YIPF2: variants seen among roughly 807,000 people sequenced by gnomAD.
YIPF2 encodes the protein protein YIPF2.
Under a neutral mutation model 38.8 loss-of-function variants are expected in YIPF2, and 30 were observed. The observed-to-expected ratio is 0.77, with a 90% CI of 0.58 to 1.05. YIPF2 has a LOEUF of 1.05. Ranked by LOEUF, YIPF2 falls within the 50% of genes least tolerant of loss-of-function variation. YIPF2 has a pLI of 0.00. For missense variants in YIPF2, 401 were observed against 409.7 expected (o/e 0.98, Z 0.18); for synonymous variants, 194 against 183.8 (o/e 1.06, Z -0.45).
At chr19:10,927,155 G>A (rs1023582990) in intron 4 of YIPF2, among the ~76,000 whole-genome samples, 1 of 152,196 alleles carries the variant, frequency 6.6e-6, no homozygotes. Flanking sequence ...TTACAGGCAT[G>A]AGCCACCCCG....
chr19:10,922,620 G>A lies in YIPF2; in HGVS notation c.*574C>T, dbSNP rs1599716078. On this transcript the variant is annotated 3_prime_UTR_variant, in exon 10 of 10. Coordinates refer to ENST00000586748, the MANE Select transcript of YIPF2 (RefSeq NM_001321439.2). ...TTGTAGCTAACGTTAGGCCTGAGTAGCTCCCCTCCATCCTTGTAGACGCTC... is the reference window on the plus strand; with the variant it reads ...TTGTAGCTAACGTTAGGCCTGAGTAACTCCCCTCCATCCTTGTAGACGCTC... 1 of 152,234 alleles carries A rather than the reference G, an allele frequency of 6.6e-6. No individual in the cohort carries two copies. Among genetic ancestry groups the A allele is most frequent in the Non-Finnish European group, 1.5e-5 (1 of 68,086 alleles). 9.4% of individuals were successfully genotyped at this position (152,234 alleles called of 1,614,324 possible).
Position 10,923,911 on chromosome 19 carries a change from C to T in YIPF2, c.573G>A (p.Gln191=). 6.2e-7 allele frequency: 1 copy of T among 1,613,316 alleles called. No homozygotes were observed. The part of the protein sequence containing the change: ...WGFLRWRKGV[Q]ERMGPYTFLE... ...GGAAGGTGTAGGGCCCCATGCGCTC[C>T]TGGACACCCTTGCGCCACCGCAGGA... Residue 191 remains glutamine (Q), a synonymous_variant, in exon 7 of 10, where the codon CAG becomes CAA. Transcript: ENST00000586748.
chr19:10,923,331 G>A lies in YIPF2; in HGVS notation c.911C>T (p.Ala304Val), dbSNP rs774193788. 3.0e-5 allele frequency: 49 copies of A among 1,613,126 alleles called. No homozygotes were observed. The highest frequency in any genetic ancestry group is 8.4e-5 in the Admixed American group (5 of 59,810). The change falls in exon 9 of 10, where the codon GCG (alanine) becomes GTG (valine). Residue 304 changes from alanine to valine, a missense_variant. By Grantham distance (64) the Ala-to-Val change is moderately conservative. Coordinates refer to ENST00000586748, the MANE Select transcript of YIPF2 (RefSeq NM_001321439.2). The stretch of plus-strand genomic sequence containing the variant: ...GGACTGCGGCAAGGTAGGGGACAGC[G>A]CGATGTTTGAGGGCAGAGATGTGAT... ...PQITSLPSNI[A>V]LSPTLPQSLA...
intron 4 of YIPF2, among the ~76,000 whole-genome samples, chr19:10,926,975 T>G (rs2083435267): frequency 6.6e-6 from 1 of 152,176 alleles, no homozygotes; most frequent in Non-Finnish European, 1.5e-5. Context: ...ATTCAAGCGA[T>G]TCTCCTGCCT....
intron 2 of YIPF2, 69 bp downstream of exon 2, chr19:10,928,311 G>A: frequency 7.5e-7 from 1 of 1,326,108 alleles, no homozygotes; most frequent in Non-Finnish European, 9.7e-7. Context: ...GAAATTGGAA[G>A]CCGTATCGGG....
chr19:10,925,864 T>C (rs1045843946), intron 4 of YIPF2, 91 bp from the exon 5 acceptor site: 1 of 1,205,218 alleles, frequency 8.3e-7, no homozygotes, highest in Non-Finnish European at 1.2e-6. Context: ...TCCACCCTTC[T>C]CTTTCCATGC....
At chr19:10,927,313 T>C (rs546597442) in intron 4 of YIPF2, among the ~76,000 whole-genome samples, 64 of 152,268 alleles carry the variant, frequency 4.2e-4, no homozygotes, top group African/African-American at 1.5e-3. Flanking sequence ...CCATCTTTGG[T>C]CTTCTGCATA....
At chr19:10,924,256 C>T in intron 5 of YIPF2, 64 bp from the exon 6 acceptor site, 1 of 1,454,900 alleles carries the variant, frequency 6.9e-7, no homozygotes, top group Non-Finnish European at 9.4e-7. Context: ...AGACATGTAT[C>T]CTGACTGAGC....
Position 10,923,691 on chromosome 19 carries a change from G to T in YIPF2, c.652-14C>A. On this transcript the variant is annotated splice_polypyrimidine_tract_variant and intron_variant, in intron 7 of 9. Coordinates refer to ENST00000586748, the MANE Select transcript of YIPF2 (RefSeq NM_001321439.2). ...GAGCCACAGGACCTGGGAGCAACACGGCGGCAGGTGACCATGCCAGTCCCC... is the reference window on the plus strand; with the variant it reads ...GAGCCACAGGACCTGGGAGCAACACTGCGGCAGGTGACCATGCCAGTCCCC... 3.1e-6 allele frequency: 5 copies of T among 1,596,636 alleles called. No individual in the cohort carries two copies. The highest frequency in any genetic ancestry group is 4.3e-6 in the Non-Finnish European group (5 of 1,168,934).
intron 4 of YIPF2, 107 bp from the exon 5 acceptor site, chr19:10,925,880 C>A: frequency 1.0e-6 from 1 of 973,010 alleles, no homozygotes; most frequent in Non-Finnish European, 1.5e-6. Flanking sequence ...CATGCCCCAC[C>A]TGAAAGAACT....
chr19:10,926,074 CTAAT>C (rs2083420499), intron 4 of YIPF2, among the ~76,000 whole-genome samples: 1 of 151,940 alleles, frequency 6.6e-6, no homozygotes, highest in African/African-American at 2.4e-5. Context: ...CCACGCCTGG[CTAAT>C]AGTTGTATTT....
chr19:10,928,046 G>A lies in YIPF2; in HGVS notation c.32-87C>T. The A allele has an allele frequency of 2.6e-6, 4 of 1,525,814 alleles. No individual in the cohort carries two copies. In the South Asian group the frequency reaches 4.9e-5, roughly 19 times the overall value. The allele number at this position is 1,525,814 out of a possible 1,614,324, so 94.5% of individuals were successfully genotyped here. On this transcript the variant is annotated intron_variant, in intron 2 of 9. Transcript: ENST00000586748. ...CAAGCTAAACCGATGCTCATCTGGG[G>A]GCGGAGGCTCTGCTGAGCCATTGAT...
chr19:10,928,295 G>A (rs1027411491), intron 2 of YIPF2, 85 bp downstream of exon 2: 1 of 1,316,026 alleles, frequency 7.6e-7, no homozygotes, highest in African/African-American at 1.5e-5. Flanking sequence ...TAGGCTTCGG[G>A]GTAGAGAAAT....
chr19:10,925,529 C>T (rs1313235098), intron 5 of YIPF2, among the ~76,000 whole-genome samples, 157 bp downstream of exon 5: 1 of 152,208 alleles, frequency 6.6e-6, no homozygotes, highest in East Asian at 1.9e-4. Context: ...CTCTACCCGC[C>T]ACCCTCTGCA....
rs755466790 is a variant in YIPF2, at chr19:10,923,367, G to A, written c.875C>T (p.Pro292Leu). The change falls in exon 9 of 10, where the codon CCT (proline) becomes CTT (leucine). Residue 292 changes from proline to leucine, a missense_variant. By Grantham distance (98) the Pro-to-Leu change is moderately conservative. Coordinates refer to ENST00000586748, the MANE Select transcript of YIPF2 (RefSeq NM_001321439.2). ...GGGCAGAGATGTGATTTGGGGTGGA[G>A]GAGCCACGTTCTCCGGAGGCAGCGA... is the stretch of plus-strand genomic sequence containing the variant. The part of the protein sequence containing the change: ...FQSLPPENVA[P>L]PPQITSLPSN... 6.2e-7 allele frequency: 1 copy of A among 1,613,540 alleles called. No homozygotes were observed.
rs572520091 is a variant in YIPF2 at position 10,923,905 on chromosome 19, G to A, written c.579C>T (p.Arg193=). 5 of 1,613,318 alleles carry A rather than the reference G, an allele frequency of 3.1e-6. No homozygotes were observed. The African/African-American group carries it at 6.7e-5, about 22-fold the overall frequency. The part of the protein sequence containing the change: ...FLRWRKGVQE[R]MGPYTFLETV... ...TCTCCAGGAAGGTGTAGGGCCCCAT[G>A]CGCTCCTGGACACCCTTGCGCCACC... The change falls in exon 7 of 10, where the codon CGC becomes CGT. Residue 193 remains arginine (R), a synonymous_variant. Coordinates refer to ENST00000586748, the MANE Select transcript of YIPF2 (RefSeq NM_001321439.2).
Position 10,922,936 on chromosome 19 carries a change from G to T in YIPF2, c.*258C>A, listed in dbSNP as rs2074283886. 4 of 198,098 alleles carry T rather than the reference G, an allele frequency of 2.0e-5. No individual in the cohort carries two copies. The South Asian group carries it at 2.9e-4, about 14-fold the overall frequency. The allele number at this position is 198,098 out of a possible 1,614,324, so 12.3% of individuals were successfully genotyped here. A position where few individuals can be genotyped will look rare whatever the true frequency, so the allele number is the denominator to read the frequency against. ...CCTGTTCCAGGGGAGCCATAGGAGG[G>T]AAAGCAGGTGGCCCGGGGGGGATAT... On this transcript the variant is annotated 3_prime_UTR_variant, in exon 10 of 10. Transcript: ENST00000586748.
rs372073315 is a variant in YIPF2, at chr19:10,924,008, G to C, written c.485-9C>G. The C allele has an allele frequency of 6.2e-7, 1 of 1,612,442 alleles. No individual in the cohort carries two copies. Among genetic ancestry groups the C allele is most frequent in the Admixed American group, 1.7e-5 (1 of 59,930 alleles). ...GATGCCTGCCACGGTCACTGGGGGG[G>C]GCAAGGTGAGCAGTCACCCCCTGTA... On this transcript the variant is annotated splice_polypyrimidine_tract_variant and intron_variant, in intron 6 of 9. Coordinates refer to ENST00000586748, the MANE Select transcript of YIPF2 (RefSeq NM_001321439.2).
chr19:10,926,652 G>C (rs1459178212), intron 4 of YIPF2, among the ~76,000 whole-genome samples: 1 of 151,152 alleles, frequency 6.6e-6, no homozygotes, highest in African/African-American at 2.4e-5. Flanking sequence ...TCAGACTCCT[G>C]AGTAGCTGGG....
Sources: allele counts gnomAD v4.1 joint callset (sites outside exome capture counted in the v4.1 genomes callset), GRCh38; gene constraint gnomAD v4.1.1; transcripts MANE v1.5; gene names NCBI Gene and HGNC (gene_info 2026-07-23, HGNC 2026-07-21).